Variants in MDGA2 observed in about 807,000 individuals in gnomAD.
The protein encoded by MDGA2 is MAM domain containing glycosylphosphatidylinositol anchor 2.
MDGA2 carries 40 observed loss-of-function variants against 117.8 expected under a neutral mutation model. That is an observed-to-expected ratio of 0.34 (90% CI 0.26 to 0.44). MDGA2 has a LOEUF of 0.44. Among genes scored for constraint, MDGA2 ranks in the 20% least tolerant of loss-of-function variants. The pLI, the probability that MDGA2 is intolerant of heterozygous loss-of-function variation, is 1.00. For missense variants in MDGA2, 1,123 were observed against 1,250.6 expected (o/e 0.90, Z 1.54); for synonymous variants, 452 against 439.0 (o/e 1.03, Z -0.37).
At chr14:46,865,292 CAT>C (rs756728986) in intron 14 of MDGA2, among the ~76,000 whole-genome samples, 5 of 152,104 alleles carry the variant, frequency 3.3e-5, no homozygotes, top group Non-Finnish European at 7.4e-5. Context: ...GATTAATCCA[CAT>C]GATTATCTCA....
chr14:46,882,954 G>A (rs1882523461), intron 10 of MDGA2, among the ~76,000 whole-genome samples: 2 of 151,802 alleles, frequency 1.3e-5, no homozygotes, highest in Non-Finnish European at 2.9e-5. Flanking sequence ...AAGTGTGATT[G>A]TAATATGTTA....
At chr14:47,211,953 T>C (rs1885899350) in intron 3 of MDGA2, among the ~76,000 whole-genome samples, 1 of 152,188 alleles carries the variant, frequency 6.6e-6, no homozygotes, top group Non-Finnish European at 1.5e-5. Flanking sequence ...TTAAGTAGTT[T>C]AAACCCATTG....
chr14:47,284,968 T>C (rs1202530565), intron 2 of MDGA2, among the ~76,000 whole-genome samples: 1 of 152,188 alleles, frequency 6.6e-6, no homozygotes, highest in East Asian at 1.9e-4. Context: ...TTAGCAATGT[T>C]CAGACTGCTA....
chr14:47,301,236 T>C (rs1889268307), intron 2 of MDGA2, among the ~76,000 whole-genome samples, 175 bp downstream of exon 2: 1 of 152,018 alleles, frequency 6.6e-6, no homozygotes. Flanking sequence ...ATCCACACTC[T>C]TGTCCTGCGT....
intron 1 of MDGA2, among the ~76,000 whole-genome samples, chr14:47,579,704 A>G (rs984476398): frequency 1.3e-5 from 2 of 152,066 alleles, no homozygotes; most frequent in Non-Finnish European, 2.9e-5. Context: ...GCTTTGGAAG[A>G]CATCTAAAAA....
At chr14:47,486,801 C>T (rs1307291153) in intron 1 of MDGA2, among the ~76,000 whole-genome samples, 1 of 152,158 alleles carries the variant, frequency 6.6e-6, no homozygotes, top group East Asian at 1.9e-4. Flanking sequence ...AACTTGCTCC[C>T]CCTTGCCTTC....
At position 47,049,602 on chromosome 14, in the gene MDGA2, A is replaced by G. The variant is rs150428930; in HGVS notation, c.1525+11647T>C. The stretch of plus-strand genomic sequence containing the variant: ...ACATATGCAGTTTTGTTACATGAGT[A>G]TATTCCATGATGCTGATCTCTGGGG... On this transcript the variant is annotated intron_variant, in intron 7 of 16. Transcript: ENST00000399232. 2.5e-4 allele frequency among the ~76,000 whole-genome samples: 38 copies of G among 152,120 alleles called. No homozygotes were observed. In the East Asian group the frequency reaches 4.1e-3, roughly 16 times the overall value.
chr14:47,537,655 C>A (rs1895252189), intron 1 of MDGA2, among the ~76,000 whole-genome samples: 1 of 133,786 alleles, frequency 7.5e-6, no homozygotes, highest in Non-Finnish European at 1.6e-5. Context: ...CTAAATGTGT[C>A]ACATTACTGT....
chr14:47,381,266 C>CA (rs1891618317), intron 1 of MDGA2, among the ~76,000 whole-genome samples: 1 of 152,118 alleles, frequency 6.6e-6, no homozygotes, highest in Admixed American at 6.5e-5. Flanking sequence ...ACTGAATGGG[C>CA]AAAAACTGGA....
At chr14:47,381,845 T>G (rs9652332) in intron 1 of MDGA2, among the ~76,000 whole-genome samples, 110,411 of 152,042 alleles carry the variant, frequency 0.73, 40,325 homozygotes, top group Middle Eastern at 0.82. Context: ...TTTCTTCACA[T>G]AATTGGAAAA....
chr14:47,408,199 A>G (rs4259961), intron 1 of MDGA2, among the ~76,000 whole-genome samples: 76,779 of 151,012 alleles, frequency 0.51, 19,756 homozygotes, highest in East Asian at 0.61. Context: ...GGGACTACAG[A>G]TGTGCGCCAC....
At chr14:47,253,857 C>T (rs1887527716) in intron 2 of MDGA2, among the ~76,000 whole-genome samples, 1 of 152,258 alleles carries the variant, frequency 6.6e-6, no homozygotes, top group African/African-American at 2.4e-5. Flanking sequence ...GACATTCAGG[C>T]ATTTCCATAC....
intron 1 of MDGA2, among the ~76,000 whole-genome samples, chr14:47,450,503 A>C (rs1893219121): frequency 6.6e-6 from 1 of 152,112 alleles, no homozygotes. Flanking sequence ...AAAGATATTG[A>C]AGAGATTCTC....
chr14:47,437,334 A>C (rs945640200), intron 1 of MDGA2, among the ~76,000 whole-genome samples: 8 of 152,156 alleles, frequency 5.3e-5, no homozygotes, highest in Non-Finnish European at 8.8e-5. Context: ...GTTTAATTAA[A>C]TGTGATAATG....
At chr14:47,308,684 A>T (rs2139835284) in intron 1 of MDGA2, among the ~76,000 whole-genome samples, 1 of 151,870 alleles carries the variant, frequency 6.6e-6, no homozygotes, top group South Asian at 2.1e-4. Flanking sequence ...AACAGAGACA[A>T]AAGAGCAACA....
chr14:46,863,153 C>T (rs1002406132), intron 14 of MDGA2, among the ~76,000 whole-genome samples: 2 of 151,918 alleles, frequency 1.3e-5, no homozygotes, highest in Admixed American at 6.6e-5. Context: ...TATTCTTTGG[C>T]CTTTGTTCTC....
At chr14:47,530,451 C>T (rs900274468) in intron 1 of MDGA2, among the ~76,000 whole-genome samples, 1 of 152,152 alleles carries the variant, frequency 6.6e-6, no homozygotes, top group South Asian at 2.1e-4. Context: ...CTGATATACA[C>T]ACTATATTGT....
At chr14:47,326,651 C>T (rs370130682) in intron 1 of MDGA2, among the ~76,000 whole-genome samples, 3 of 151,876 alleles carry the variant, frequency 2.0e-5, no homozygotes, top group East Asian at 3.9e-4. Flanking sequence ...ATGCAAGTCA[C>T]ATCATCCCTC....
At chr14:47,387,984 T>C (rs367970266) in intron 1 of MDGA2, among the ~76,000 whole-genome samples, 2 of 152,244 alleles carry the variant, frequency 1.3e-5, no homozygotes, top group East Asian at 3.9e-4. Flanking sequence ...TCACTACATT[T>C]ATTTTCATTG....
Sources: allele counts gnomAD v4.1 joint callset (sites outside exome capture counted in the v4.1 genomes callset), GRCh38; gene constraint gnomAD v4.1.1; transcripts MANE v1.5; gene names NCBI Gene and HGNC (gene_info 2026-07-23, HGNC 2026-07-21).